PDE1C: variants seen among roughly 807,000 people sequenced by gnomAD.
PDE1C encodes phosphodiesterase 1C.
PDE1C carries 62 observed loss-of-function variants against 93.1 expected under a neutral mutation model. The observed-to-expected ratio is 0.67, with a 90% CI of 0.54 to 0.82. The LOEUF (loss-of-function observed/expected upper bound fraction) is 0.82. Among genes scored for constraint, PDE1C ranks in the 40% least tolerant of loss-of-function variants. The pLI is 0.00. For missense variants in PDE1C, 742 were observed against 884.6 expected (o/e 0.84, Z 2.04); for synonymous variants, 325 against 310.1 (o/e 1.05, Z -0.50).
intron 2 of PDE1C, among the ~76,000 whole-genome samples, chr7:32,008,989 C>A (rs148787222): frequency 2.8e-4 from 43 of 152,016 alleles, no homozygotes; most frequent in Non-Finnish European, 3.4e-4. Flanking sequence ...AGACTCTTAA[C>A]CAAGATACAG....
At chr7:32,262,005 A>ATTTT (rs11325736) in intron 1 of PDE1C, among the ~76,000 whole-genome samples, 2 of 89,778 alleles carry the variant, frequency 2.2e-5, no homozygotes, top group Non-Finnish European at 4.3e-5. Flanking sequence ...TTGCTTTGGG[A>ATTTT]TTTTTTTTTT....
intron 2 of PDE1C, among the ~76,000 whole-genome samples, chr7:32,206,025 C>T (rs117228441): frequency 7.8e-4 from 119 of 152,254 alleles, no homozygotes; most frequent in Non-Finnish European, 1.6e-3. Flanking sequence ...CGATTCTAGA[C>T]GCAGTACTGT....
intron 1 of PDE1C, among the ~76,000 whole-genome samples, chr7:32,343,256 C>T (rs568826212): frequency 5.3e-5 from 8 of 152,298 alleles, no homozygotes; most frequent in African/African-American, 1.7e-4. Context: ...TACATTTAAA[C>T]GTCAAATTTT....
intron 1 of PDE1C, among the ~76,000 whole-genome samples, chr7:32,331,721 G>A (rs1010338438): frequency 1.3e-5 from 2 of 152,142 alleles, no homozygotes; most frequent in South Asian, 2.1e-4. Flanking sequence ...GGACTTAGTC[G>A]TACTTGAGAA....
chr7:31,978,986 A>G (rs1038470472), intron 2 of PDE1C, among the ~76,000 whole-genome samples: 1 of 152,136 alleles, frequency 6.6e-6, no homozygotes, highest in Admixed American at 6.5e-5. Flanking sequence ...ATGATGCCAC[A>G]CTTGTTTATA....
In PDE1C at chr7:31,912,384, G is replaced by T. The variant is rs1331515486; in HGVS notation, c.129-31524C>A. Among the ~76,000 whole-genome samples the T allele has an allele frequency of 3.3e-5, 5 of 152,066 alleles. No individual in the cohort carries two copies. The South Asian group carries it at 8.3e-4, about 25-fold the overall frequency. On this transcript the variant is annotated intron_variant, in intron 2 of 17. Transcript: ENST00000396191. ...GGAAGTACTATTTTTATATCATGGT[G>T]TATTAAAACATAGATAAAAGGCCGG... is the stretch of plus-strand genomic sequence containing the variant.
chr7:31,837,999 G>A, intron 9 of PDE1C, 28 bp from the exon 10 acceptor site: 2 of 1,441,406 alleles, frequency 1.4e-6, no homozygotes, highest in South Asian at 2.4e-5. Flanking sequence ...GGAGAAAAAA[G>A]GATGGAAGTC....
the PDE1C span, among the ~76,000 whole-genome samples, chr7:31,647,710 A>AGAAGACGATGACGAC: frequency 4.0e-5 from 6 of 149,774 alleles, no homozygotes; most frequent in Admixed American, 1.3e-4. Flanking sequence ...AGGAAGAAGA[A>AGAAGACGATGACGAC]GACGATGACG....
the PDE1C span, among the ~76,000 whole-genome samples, chr7:31,739,210 C>CACAG: frequency 6.7e-6 from 1 of 150,032 alleles, no homozygotes; most frequent in African/African-American, 2.5e-5. Flanking sequence ...GACACACACA[C>CACAG]ACACACACAC....
At chr7:31,824,672 T>C (rs1384754123) in intron 13 of PDE1C, among the ~76,000 whole-genome samples, 195 bp downstream of exon 13, 1 of 152,024 alleles carries the variant, frequency 6.6e-6, no homozygotes, top group Non-Finnish European at 1.5e-5. Flanking sequence ...TGGTCACCCT[T>C]TACAGTTTAG....
Position 32,157,859 on chromosome 7 carries a change from A to G in PDE1C, c.308+11926T>C, listed in dbSNP as rs191361661. ...ATTTTATTAGTCTTGCAATTGTTCT[A>G]TAAGTTTAAATATTGTCAAAATATT... On this transcript the variant is annotated intron_variant, in intron 3 of 18. Transcript: ENST00000396193. 4.7e-3 allele frequency among the ~76,000 whole-genome samples: 712 copies of G among 152,330 alleles called. 5 individuals carry two copies. The highest frequency in any genetic ancestry group is 0.016 in the African/African-American group (671 of 41,572).
chr7:31,889,593 T>G (rs571121999), intron 2 of PDE1C, among the ~76,000 whole-genome samples: 1 of 152,330 alleles, frequency 6.6e-6, no homozygotes, highest in East Asian at 1.9e-4. Context: ...GAGCCCTGCA[T>G]GCTCAGTCTC....
chr7:31,840,018 C>G (rs1173944086), intron 9 of PDE1C, among the ~76,000 whole-genome samples: 1 of 152,098 alleles, frequency 6.6e-6, no homozygotes, highest in Non-Finnish European at 1.5e-5. Flanking sequence ...GCCTGGGTGA[C>G]AGAGAGAGAC....
At chr7:31,948,813 A>T (rs757503696) in intron 2 of PDE1C, among the ~76,000 whole-genome samples, 43 of 152,326 alleles carry the variant, frequency 2.8e-4, no homozygotes, top group Non-Finnish European at 4.9e-4. Flanking sequence ...AGTAATCACA[A>T]ATCTGGCAAC....
chr7:31,799,191 T>C (rs934249204), intron 16 of PDE1C, among the ~76,000 whole-genome samples: 2 of 151,542 alleles, frequency 1.3e-5, no homozygotes, highest in African/African-American at 4.8e-5. Flanking sequence ...ACAGAAACAA[T>C]CTCTAGTAAA....
At chr7:32,306,078 C>T (rs1308852207) in intron 1 of PDE1C, among the ~76,000 whole-genome samples, 1 of 152,084 alleles carries the variant, frequency 6.6e-6, no homozygotes, top group Non-Finnish European at 1.5e-5. Context: ...AAGGGAAACC[C>T]CTTTCACTTG....
At chr7:32,108,938 G>C (rs1422605293) in intron 3 of PDE1C, among the ~76,000 whole-genome samples, 1 of 152,112 alleles carries the variant, frequency 6.6e-6, no homozygotes, top group Non-Finnish European at 1.5e-5. Flanking sequence ...CCTTACCCCT[G>C]GCACATATAT....
At chr7:31,983,237 T>A (rs746775264) in intron 2 of PDE1C, among the ~76,000 whole-genome samples, 1 of 152,144 alleles carries the variant, frequency 6.6e-6, no homozygotes, top group Admixed American at 6.5e-5. Flanking sequence ...AACAATGAAG[T>A]TCTAATGCCT....
At chr7:32,196,949 A>G (rs1267279291) in intron 2 of PDE1C, among the ~76,000 whole-genome samples, 1 of 152,192 alleles carries the variant, frequency 6.6e-6, no homozygotes, top group African/African-American at 2.4e-5. Flanking sequence ...CAGTTAGAAA[A>G]CACAGGAGTA....
Sources: allele counts gnomAD v4.1 joint callset (sites outside exome capture counted in the v4.1 genomes callset), GRCh38; gene constraint gnomAD v4.1.1; transcripts MANE v1.5; gene names NCBI Gene and HGNC (gene_info 2026-07-23, HGNC 2026-07-21).